The following TLN2 variants were observed in gnomAD, a reference collection of about 807,000 sequenced individuals.
TLN2 encodes talin-2.
Under a neutral mutation model 294.7 loss-of-function variants are expected in TLN2, and 118 were observed. That is an observed-to-expected ratio of 0.40 (90% CI 0.34 to 0.47). The LOEUF (loss-of-function observed/expected upper bound fraction) is 0.47, where lower values mean the gene tolerates loss of function less well. TLN2 is among the 20% of genes least tolerant of loss of function. The pLI is 0.84. For missense variants in TLN2, 3,083 were observed against 3,282.2 expected (o/e 0.94, Z 1.48); for synonymous variants, 1,431 against 1,304.5 (o/e 1.10, Z -2.09).
intron 37 of TLN2, among the ~76,000 whole-genome samples, chr15:62,757,017 T>TTAC (rs1299942148): frequency 6.6e-6 from 1 of 152,226 alleles, no homozygotes; most frequent in Admixed American, 6.5e-5. Flanking sequence ...GTTACCTGAA[T>TTAC]TACCATCATA....
chr15:62,806,312 C>G (rs1201993104), intron 51 of TLN2, among the ~76,000 whole-genome samples: 3 of 152,340 alleles, frequency 2.0e-5, no homozygotes, highest in East Asian at 1.9e-4. Context: ...TAATCCTCCC[C>G]CTTCTTTCTA....
rs78723378 is a variant in TLN2, at chr15:62,727,176, C to T, written c.3345C>T (p.Asn1115=). The change falls in exon 28 of 59, where the codon AAC becomes AAT. Residue 1115 remains asparagine, a synonymous_variant. Transcript: ENST00000636159. The part of the protein sequence containing the change: ...AQLLTCAAQG[N]EHYTGVAARE... ...TGCTGACCTGTGCTGCTCAAGGCAA[C>T]GAACACTACACAGGTGAGACCCACG... The T allele has an allele frequency of 2.2e-3, 3,562 of 1,614,126 alleles. 57 individuals are homozygous for T. The African/African-American group carries it at 0.038, about 17-fold the overall frequency.
At chr15:62,624,472 C>T (rs1380761293) in intron 3 of TLN2, among the ~76,000 whole-genome samples, 2 of 152,236 alleles carry the variant, frequency 1.3e-5, no homozygotes, top group East Asian at 1.9e-4. Flanking sequence ...TGATAGGACG[C>T]ATGAATGTGC....
intron 13 of TLN2, among the ~76,000 whole-genome samples, chr15:62,693,815 TTTA>T (rs1283368507): frequency 2.0e-5 from 3 of 152,068 alleles, no homozygotes; most frequent in Admixed American, 1.3e-4. Flanking sequence ...ATTTCTCTTT[TTTA>T]TTATTATGCT....
chr15:62,792,095 A>T (rs1027463574), intron 45 of TLN2, among the ~76,000 whole-genome samples: 3 of 152,226 alleles, frequency 2.0e-5, no homozygotes, highest in Non-Finnish European at 4.4e-5. Context: ...CATGGGATAC[A>T]GCTGGGGAAG....
At position 62,697,813 on chromosome 15, in the gene TLN2, C is replaced by T. The variant is rs375180020; in HGVS notation, c.1418C>T (p.Ser473Leu). ...PETFNVGSMP[S>L]PQQQVMVGQM... Reference sequence around the variant, plus strand: ...ACCTTCAACGTTGGCAGCATGCCCTCGCCACAGCAGCAGGTCATGGTTGGG... The same window carrying T: ...ACCTTCAACGTTGGCAGCATGCCCTTGCCACAGCAGCAGGTCATGGTTGGG... The change falls in exon 15 of 59, where the codon TCG becomes TTG. Residue 473 changes from serine to leucine, a missense_variant. Coordinates refer to ENST00000636159, the MANE Select transcript of TLN2 (RefSeq NM_015059.3). The T allele has an allele frequency of 3.1e-5, 50 of 1,612,958 alleles. No individual in the cohort carries two copies. In the Middle Eastern group the frequency reaches 8.3e-4, roughly 27 times the overall value.
intron 1 of TLN2, among the ~76,000 whole-genome samples, chr15:62,392,642 G>A (rs2032193410): frequency 6.6e-6 from 1 of 152,122 alleles, no homozygotes; most frequent in African/African-American, 2.4e-5. Flanking sequence ...TTGCAGGAAC[G>A]TGTTCTCCTT....
At chr15:62,421,089 T>C (rs1204985203) in intron 1 of TLN2, among the ~76,000 whole-genome samples, 2 of 152,228 alleles carry the variant, frequency 1.3e-5, no homozygotes, top group Non-Finnish European at 2.9e-5. Flanking sequence ...TTGAGTTGGT[T>C]TGGCGATAAT....
intron 1 of TLN2, among the ~76,000 whole-genome samples, chr15:62,424,584 A>G (rs762496227): frequency 2.6e-5 from 4 of 152,174 alleles, no homozygotes; most frequent in Non-Finnish European, 2.9e-5. Context: ...AATCCACACC[A>G]GGGCCTAGCC....
intron 1 of TLN2, among the ~76,000 whole-genome samples, chr15:62,491,031 A>T (rs116977318): frequency 0.012 from 1,783 of 152,286 alleles, 17 homozygotes; most frequent in Admixed American, 0.018. Flanking sequence ...ACTTCAAAAT[A>T]TGTAAGATGG....
chr15:62,703,443 A>G (rs371063199), intron 19 of TLN2, among the ~76,000 whole-genome samples: 129 of 152,142 alleles, frequency 8.5e-4, no homozygotes, highest in African/African-American at 3.0e-3. Context: ...CTTTAATCAC[A>G]AGAAGGGAGG....
chr15:62,791,032 A>G (rs1596004925), intron 45 of TLN2, among the ~76,000 whole-genome samples: 2 of 152,294 alleles, frequency 1.3e-5, no homozygotes, highest in East Asian at 3.9e-4. Flanking sequence ...AAAGCACCCA[A>G]AAGAGCAGCA....
At chr15:62,641,223 A>C (rs2051055493) in intron 3 of TLN2, among the ~76,000 whole-genome samples, 1 of 152,180 alleles carries the variant, frequency 6.6e-6, no homozygotes. Context: ...ATAGATACAA[A>C]ATAAACAATA....
chr15:62,660,860 T>C (rs2140969056), intron 9 of TLN2, among the ~76,000 whole-genome samples: 1 of 152,320 alleles, frequency 6.6e-6, no homozygotes, highest in East Asian at 1.9e-4. Flanking sequence ...GTATATGAAA[T>C]GGTTATTATG....
At chr15:62,640,422 C>T (rs973493800) in intron 3 of TLN2, 9 of 450,416 alleles carry the variant, frequency 2.0e-5, no homozygotes, top group Admixed American at 9.5e-5. Flanking sequence ...ACCTCCACGG[C>T]CCCATTGAGG....
At chr15:62,804,678 G>A (rs2066152463) in intron 50 of TLN2, among the ~76,000 whole-genome samples, 1 of 152,202 alleles carries the variant, frequency 6.6e-6, no homozygotes, top group Non-Finnish European at 1.5e-5. Flanking sequence ...AGCATTCAAG[G>A]GTGAAGTGGG....
At chr15:62,426,557 G>A (rs190286050) in intron 1 of TLN2, among the ~76,000 whole-genome samples, 100 of 152,322 alleles carry the variant, frequency 6.6e-4, no homozygotes, top group African/African-American at 2.0e-3. Flanking sequence ...TCCAGCTGGC[G>A]AATTCTTTGT....
intron 1 of TLN2, among the ~76,000 whole-genome samples, chr15:62,459,700 TTAG>T (rs1249810520): frequency 6.6e-6 from 1 of 152,166 alleles, no homozygotes; most frequent in African/African-American, 2.4e-5. Flanking sequence ...GAGTTGAGTC[TTAG>T]TAGGTGTCCT....
rs192869261 is a variant in TLN2 at position 62,844,116 on chromosome 15, A to C, written c.*3506A>C. The C allele has an allele frequency of 2.0e-5, 3 of 152,178 alleles. No homozygotes were observed. Among genetic ancestry groups the C allele is most frequent in the African/African-American group, 4.8e-5 (2 of 41,392 alleles). 9.4% of individuals were successfully genotyped at this position (152,178 alleles called of 1,614,324 possible). Reference sequence around the variant, plus strand: ...GCGGTCCCCAGAGTTCAGAAAGCAAAAGATCTTGACAACTGTGCCAGTAGT... The same window carrying C: ...GCGGTCCCCAGAGTTCAGAAAGCAACAGATCTTGACAACTGTGCCAGTAGT... On this transcript the variant is annotated 3_prime_UTR_variant, in exon 59 of 59. Transcript: ENST00000636159.
Sources: allele counts gnomAD v4.1 joint callset (sites outside exome capture counted in the v4.1 genomes callset), GRCh38; gene constraint gnomAD v4.1.1; transcripts MANE v1.5; gene names NCBI Gene and HGNC (gene_info 2026-07-23, HGNC 2026-07-21).